DOK6: variants seen among roughly 807,000 people sequenced by gnomAD.
DOK6 encodes docking protein 6.
A neutral mutation model predicts 44.0 loss-of-function variants in DOK6; 22 were observed. The ratio of observed to expected loss-of-function variants is 0.50; its 90% CI spans 0.36 to 0.71. The LOEUF (loss-of-function observed/expected upper bound fraction) is 0.71. Among genes scored for constraint, DOK6 ranks in the 30% least tolerant of loss-of-function variants. The probability of loss-of-function intolerance (pLI) is 0.00; values close to 1 mark genes in which losing one functional copy is unlikely to be tolerated. For missense variants in DOK6, 340 were observed against 416.4 expected (o/e 0.82, Z 1.60); for synonymous variants, 166 against 145.5 (o/e 1.14, Z -1.01).
At chr18:69,621,236 G>A (rs1984431766) in intron 3 of DOK6, among the ~76,000 whole-genome samples, 1 of 152,174 alleles carries the variant, frequency 6.6e-6, no homozygotes, top group Non-Finnish European at 1.5e-5. Context: ...TTGGGAGAAA[G>A]TGACTATTTC....
chr18:69,825,882 T>G (rs1981727490), intron 7 of DOK6, among the ~76,000 whole-genome samples: 1 of 149,642 alleles, frequency 6.7e-6, no homozygotes, highest in African/African-American at 2.4e-5. Context: ...CTTGTAACAG[T>G]GTGGCATTAA....
Position 69,528,164 on chromosome 18 carries a change from A to C in DOK6, c.67-36323A>C, listed in dbSNP as rs921774847. Among the ~76,000 whole-genome samples, 437 of 147,104 alleles carry C rather than the reference A, an allele frequency of 3.0e-3. 7 individuals carry two copies. Among genetic ancestry groups the C allele is most frequent in the Admixed American group, 0.022 (329 of 14,728 alleles). ...GGTGACAGAGCGAGACTCTGTCTCA[A>C]AAAAAAAAAAAAAAAAGCTTCACCT... On this transcript the variant is annotated intron_variant, in intron 1 of 7. Transcript: ENST00000382713.
chr18:69,768,948 G>GGTGTGTGT (rs1341229658), intron 7 of DOK6, among the ~76,000 whole-genome samples: 73 of 37,706 alleles, frequency 1.9e-3, no homozygotes, highest in African/African-American at 3.1e-3. Context: ...AGATTTGAAG[G>GGTGTGTGT]GTGTGCGTGT....
chr18:69,784,985 T>G (rs1980387307), intron 7 of DOK6, among the ~76,000 whole-genome samples: 1 of 152,220 alleles, frequency 6.6e-6, no homozygotes, highest in African/African-American at 2.4e-5. Flanking sequence ...CACTTTAGAC[T>G]GAGAAGCATA....
rs532190441 is a variant in DOK6 at position 69,603,584 on chromosome 18, G to A, written c.289+4086G>A. ...CAGGAGATCGAGAGCATCCTGGCTA[G>A]CACGGTGAAACCCCGTCTCTACTAA... is the stretch of plus-strand genomic sequence containing the variant. On this transcript the variant is annotated intron_variant, in intron 3 of 7. Transcript: ENST00000382713. 4.2e-4 allele frequency among the ~76,000 whole-genome samples: 63 copies of A among 151,270 alleles called. 1 individual carries two copies. The highest frequency in any genetic ancestry group is 2.7e-4 in the African/African-American group (11 of 40,890).
At chr18:69,692,020 T>A (rs917836075) in intron 4 of DOK6, among the ~76,000 whole-genome samples, 1 of 152,154 alleles carries the variant, frequency 6.6e-6, no homozygotes, top group Non-Finnish European at 1.5e-5. Context: ...TTTTCAATAG[T>A]AACTATTTAG....
At chr18:69,409,767 A>G (rs1978298636) in intron 1 of DOK6, among the ~76,000 whole-genome samples, 1 of 152,216 alleles carries the variant, frequency 6.6e-6, no homozygotes. Context: ...TAAATTTTAT[A>G]TTTATTTTTG....
chr18:69,573,642 T>C (rs907366564), intron 2 of DOK6, among the ~76,000 whole-genome samples: 1 of 151,920 alleles, frequency 6.6e-6, no homozygotes, highest in Non-Finnish European at 1.5e-5. Context: ...TTAAGGTTTT[T>C]TTTTAAGAGT....
intron 2 of DOK6, among the ~76,000 whole-genome samples, chr18:69,596,247 T>C (rs989879868): frequency 6.6e-6 from 1 of 152,070 alleles, no homozygotes; most frequent in Non-Finnish European, 1.5e-5. Context: ...AAGTAATATA[T>C]GCCCCCAGGA....
At chr18:69,461,438 C>T (rs1000531285) in intron 1 of DOK6, among the ~76,000 whole-genome samples, 6 of 152,168 alleles carry the variant, frequency 3.9e-5, no homozygotes, top group African/African-American at 1.2e-4. Context: ...TCCTGATAAA[C>T]GCCTGGCAGT....
chr18:69,480,247 G>A (rs1303238038), intron 1 of DOK6, among the ~76,000 whole-genome samples: 1 of 151,588 alleles, frequency 6.6e-6, no homozygotes, highest in Non-Finnish European at 1.5e-5. Context: ...TAATTTAAAA[G>A]ATTAAAGCTA....
At chr18:69,438,526 T>A (rs2122437791) in intron 1 of DOK6, among the ~76,000 whole-genome samples, 1 of 152,300 alleles carries the variant, frequency 6.6e-6, no homozygotes, top group African/African-American at 2.4e-5. Context: ...AGAGTTGAAA[T>A]CAGCTTCTTT....
intron 1 of DOK6, among the ~76,000 whole-genome samples, chr18:69,533,011 CAGAT>C (rs988692283): frequency 3.9e-5 from 6 of 152,016 alleles, no homozygotes; most frequent in East Asian, 1.9e-4. Context: ...TGGGAACAAA[CAGAT>C]AGTCATTTTG....
At chr18:69,754,719 T>C (rs1265873686) in intron 6 of DOK6, among the ~76,000 whole-genome samples, 1 of 152,210 alleles carries the variant, frequency 6.6e-6, no homozygotes, top group Non-Finnish European at 1.5e-5. Flanking sequence ...TCTGTGAATA[T>C]TTATCCCTGT....
chr18:69,533,257 AATAAC>A (rs1422080936), intron 1 of DOK6, among the ~76,000 whole-genome samples: 1 of 152,152 alleles, frequency 6.6e-6, no homozygotes, highest in African/African-American at 2.4e-5. Context: ...ATTGCTCACT[AATAAC>A]ATAACTCCAG....
chr18:69,423,395 C>T (rs1011741271), intron 1 of DOK6, among the ~76,000 whole-genome samples: 2 of 152,162 alleles, frequency 1.3e-5, no homozygotes, highest in Non-Finnish European at 2.9e-5. Flanking sequence ...TGAAGAGTTG[C>T]CTTTGGTATT....
intron 3 of DOK6, among the ~76,000 whole-genome samples, chr18:69,659,633 C>T (rs1001156599): frequency 6.6e-6 from 1 of 151,990 alleles, no homozygotes; most frequent in Admixed American, 6.6e-5. Context: ...AGAGAAGACA[C>T]ACAGTGTTTT....
intron 1 of DOK6, among the ~76,000 whole-genome samples, chr18:69,491,605 G>A (rs181115531): frequency 5.3e-5 from 8 of 152,162 alleles, no homozygotes; most frequent in Non-Finnish European, 7.4e-5. Flanking sequence ...TCATAAATTT[G>A]CAAAATGTTT....
chr18:69,538,985 A>C (rs1022098923), intron 1 of DOK6, among the ~76,000 whole-genome samples: 5 of 152,164 alleles, frequency 3.3e-5, no homozygotes, highest in Admixed American at 3.3e-4. Flanking sequence ...AGCAGATGTG[A>C]GAATTGAGGG....
Sources: allele counts gnomAD v4.1 joint callset (sites outside exome capture counted in the v4.1 genomes callset), GRCh38; gene constraint gnomAD v4.1.1; transcripts MANE v1.5; gene names NCBI Gene and HGNC (gene_info 2026-07-23, HGNC 2026-07-21).